Variants in APPL1 observed in about 807,000 individuals in gnomAD.
APPL1 encodes adaptor protein, phosphotyrosine interacting with PH domain and leucine zipper 1.
In APPL1, 42 loss-of-function variants were observed where a neutral mutation model predicts 106.8. That is an observed-to-expected ratio of 0.39 (90% confidence interval 0.31 to 0.51). The LOEUF is 0.51. APPL1 is among the 20% of genes least tolerant of loss of function. The pLI, the probability that APPL1 is intolerant of heterozygous loss-of-function variation, is 0.75. For synonymous variants in APPL1, 263 were observed against 281.8 expected, an observed-to-expected ratio of 0.93 and a Z score of 0.67; for missense variants, 769 against 858.2, an observed-to-expected ratio of 0.90 and a Z score of 1.30.
At chr3:57,236,753 T>C (rs1297930523) in intron 2 of APPL1, among the ~76,000 whole-genome samples, 1 of 152,234 alleles carries the variant, frequency 6.6e-6, no homozygotes, top group African/African-American at 2.4e-5. Context: ...AGTTTTCTTA[T>C]TGACCAGCAA....
intron 19 of APPL1, among the ~76,000 whole-genome samples, chr3:57,261,463 G>T (rs1293262694): frequency 6.6e-6 from 1 of 152,102 alleles, no homozygotes; most frequent in Non-Finnish European, 1.5e-5. Context: ...TTAATTTTGG[G>T]TAGATACCCA....
intron 15 of APPL1, 171 bp from the exon 16 acceptor site, chr3:57,258,857 G>T: frequency 1.8e-6 from 1 of 545,220 alleles, no homozygotes; most frequent in East Asian, 3.0e-5. Flanking sequence ...TAGTGTGTGA[G>T]GGCAGAGGCC....
rs756017164 is a variant in APPL1 at position 57,269,603 on chromosome 3, G to A, written c.2046G>A (p.Glu682=). 6 of 1,614,124 alleles carry A rather than the reference G, an allele frequency of 3.7e-6. No homozygotes were observed. The South Asian group carries it at 6.6e-5, about 18-fold the overall frequency. Residue 682 remains glutamate (E), a synonymous_variant, in exon 22 of 22, where the codon GAG becomes GAA. Transcript: ENST00000288266. ...ASSRPNQASS[E]GQFVVLSSSQ... ...GTAGACCAAACCAAGCCAGTAGTGA[G>A]GGGCAGTTTGTTGTCCTTAGCAGTA...
chr3:57,267,634 A>C, intron 19 of APPL1, 108 bp from the exon 20 acceptor site: 1 of 886,478 alleles, frequency 1.1e-6, no homozygotes. Context: ...GCTTGAAGCA[A>C]TGTATTAGGA....
At chr3:57,234,824 T>G (rs1280611745) in intron 1 of APPL1, among the ~76,000 whole-genome samples, 2 of 151,160 alleles carry the variant, frequency 1.3e-5, no homozygotes. Context: ...CCCGGCTAAT[T>G]TTTTGCATTT....
intron 15 of APPL1, 77 bp downstream of exon 15, chr3:57,257,505 C>G: frequency 4.0e-6 from 5 of 1,241,852 alleles, no homozygotes; most frequent in Non-Finnish European, 5.5e-6. Context: ...TCAGAGTCAT[C>G]TCTTATTTAT....
rs1298065497 is a variant in APPL1, at chr3:57,235,637, A to G, written c.126A>G (p.Gln42=). 1 of 1,613,420 alleles carries G rather than the reference A, an allele frequency of 6.2e-7. No homozygotes were observed. Among genetic ancestry groups the G allele is most frequent in the Non-Finnish European group, 8.5e-7 (1 of 1,179,582 alleles). ...CCAACTATATGAACCAGTTGTATCA[A>G]GCTATGCATCGGATTTATGATGCAC... ...AISNYMNQLY[Q]AMHRIYDAQN... is the part of the protein sequence containing the mutation. The change falls in exon 2 of 22, where the codon CAA becomes CAG. Residue 42 remains glutamine, a synonymous_variant. Coordinates refer to ENST00000288266, the MANE Select transcript of APPL1 (RefSeq NM_012096.3).
At position 57,267,806 on chromosome 3, in the gene APPL1, A is replaced by T. The variant is rs760675410; in HGVS notation, c.1893+14A>T. The T allele has an allele frequency of 2.5e-6, 4 of 1,613,084 alleles. No homozygotes were observed. The highest frequency in any genetic ancestry group is 3.4e-6 in the Non-Finnish European group (4 of 1,179,920). On this transcript the variant is annotated intron_variant, in intron 20 of 21. Coordinates refer to ENST00000288266, the MANE Select transcript of APPL1 (RefSeq NM_012096.3). The stretch of plus-strand genomic sequence containing the variant: ...CATGCTGAACTGGTAAGAATCCAAG[A>T]TGTGGCTGGGCACAGTGGTTCACAC...
intron 1 of APPL1, among the ~76,000 whole-genome samples, chr3:57,232,428 T>C (rs903596037): frequency 6.6e-6 from 1 of 152,174 alleles, no homozygotes; most frequent in Non-Finnish European, 1.5e-5. Flanking sequence ...TTTCTCCTAG[T>C]AGCATACTGG....
intron 21 of APPL1, 32 bp downstream of exon 21, chr3:57,268,519 G>A: frequency 6.5e-7 from 1 of 1,548,428 alleles, no homozygotes; most frequent in Non-Finnish European, 8.7e-7. Flanking sequence ...ATCTTTATGT[G>A]TTGTTTGTGA....
In APPL1 at chr3:57,242,148, C is replaced by A; in HGVS notation, c.415+6C>A. The A allele has an allele frequency of 6.3e-7, 1 of 1,584,210 alleles. No individual in the cohort carries two copies. Among genetic ancestry groups the A allele is most frequent in the Non-Finnish European group, 8.6e-7 (1 of 1,160,004 alleles). On this transcript the variant is annotated splice_donor_region_variant and intron_variant, in intron 6 of 21. Transcript: ENST00000288266. ...ATTTCAGATTGCAAGTAATGGTAAG[C>A]CCTATAATTTGCACACTTATTTCTT...
chr3:57,243,064 T>C, intron 7 of APPL1, 150 bp downstream of exon 7: 1 of 609,358 alleles, frequency 1.6e-6, no homozygotes, highest in Non-Finnish European at 2.8e-6. Flanking sequence ...TTCAAAACCT[T>C]TCTGATAATC....
intron 9 of APPL1, among the ~76,000 whole-genome samples, chr3:57,247,917 G>A (rs2060783516): frequency 6.6e-6 from 1 of 152,150 alleles, no homozygotes; most frequent in African/African-American, 2.4e-5. Context: ...AGTGATTGTT[G>A]TTTTAAAGGC....
chr3:57,229,965 T>G (rs952388138), intron 1 of APPL1, among the ~76,000 whole-genome samples: 1 of 152,088 alleles, frequency 6.6e-6, no homozygotes, highest in African/African-American at 2.4e-5. Context: ...CTGCCCGCCT[T>G]GGCCTCTCAA....
chr3:57,235,414 C>A, intron 1 of APPL1, 152 bp from the exon 2 acceptor site: 1 of 441,010 alleles, frequency 2.3e-6, no homozygotes, highest in Non-Finnish European at 4.0e-6. Flanking sequence ...AAAAAGACTT[C>A]TTAACATTAC....
chr3:57,254,914 C>A (rs147774907), intron 13 of APPL1, among the ~76,000 whole-genome samples: 1 of 152,240 alleles, frequency 6.6e-6, no homozygotes, highest in Non-Finnish European at 1.5e-5. Context: ...CGTGAGCCAC[C>A]ACGCCCAGCC....
At position 57,257,349 on chromosome 3, in the gene APPL1, A is replaced by G. The variant is rs539714842; in HGVS notation, c.1351A>G (p.Thr451Ala). ...LSLDSLVAPD[T>A]PIQFDIISPV... is the part of the protein sequence containing the mutation. ...TCTAGATTCTCTTGTTGCCCCAGAC[A>G]CCCCAATACAGTTTGACATAATTTC... The change falls in exon 15 of 22, where the codon ACC (threonine) becomes GCC (alanine). Residue 451 changes from threonine (T) to alanine (A), a missense_variant. Thr to Ala is a moderately conservative substitution (Grantham distance 58, BLOSUM62 0). Coordinates refer to ENST00000288266, the MANE Select transcript of APPL1 (RefSeq NM_012096.3). 1 of 1,613,984 alleles carries G rather than the reference A, an allele frequency of 6.2e-7. No homozygotes were observed. Among genetic ancestry groups the G allele is most frequent in the African/African-American group, 1.3e-5 (1 of 74,954 alleles).
intron 11 of APPL1, among the ~76,000 whole-genome samples, chr3:57,249,973 G>A (rs1305469760): frequency 2.4e-5 from 1 of 41,518 alleles, no homozygotes; most frequent in Non-Finnish European, 4.5e-5. Flanking sequence ...ATGTGAATGG[G>A]GGGGGGTTGT....
At chr3:57,268,310 A>C in intron 20 of APPL1, 88 bp from the exon 21 acceptor site, 1 of 1,293,632 alleles carries the variant, frequency 7.7e-7, no homozygotes, top group Non-Finnish European at 1.0e-6. Context: ...AAAAATATTG[A>C]AAGGTTACCA....
Sources: allele counts gnomAD v4.1 joint callset (sites outside exome capture counted in the v4.1 genomes callset), GRCh38; gene constraint gnomAD v4.1.1; transcripts MANE v1.5; gene names NCBI Gene and HGNC (gene_info 2026-07-23, HGNC 2026-07-21).